CHMP7: variants seen among roughly 807,000 people sequenced by gnomAD.
The protein encoded by CHMP7 is CHMP family, member 7.
In CHMP7, 15 loss-of-function variants were observed where a neutral mutation model predicts 53.7. The observed-to-expected ratio is 0.28, with a 90% CI of 0.19 to 0.43. The LOEUF (loss-of-function observed/expected upper bound fraction) is 0.43. Among genes scored for constraint, CHMP7 ranks in the 20% least tolerant of loss-of-function variants. CHMP7 has a pLI of 1.00. For synonymous variants in CHMP7, 261 were observed against 228.0 expected, an observed-to-expected ratio of 1.14 and a Z score of -1.30; for missense variants, 527 against 569.4, an observed-to-expected ratio of 0.93 and a Z score of 0.76.
At position 23,243,667 on chromosome 8, in the gene CHMP7, C is replaced by G. The variant is rs561334530; in HGVS notation, c.-618C>G. ...CTCCTCTGACTGTTATGCAGCAGGC[C>G]GGCAGGTCAATAAACTTGCTTGCCT... On this transcript the variant is annotated 5_prime_UTR_variant, in exon 1 of 11. Coordinates refer to ENST00000397677, the MANE Select transcript of CHMP7 (RefSeq NM_152272.5). 2 of 152,464 alleles carry G rather than the reference C, an allele frequency of 1.3e-5. No homozygotes were observed. Among genetic ancestry groups the G allele is most frequent in the Non-Finnish European group, 2.9e-5 (2 of 68,238 alleles). The allele number at this position is 152,464 out of a possible 1,614,324, so 9.4% of individuals were successfully genotyped here.
Position 23,260,882 on chromosome 8 carries a change from T to G in CHMP7, c.*283T>G. The stretch of plus-strand genomic sequence containing the variant: ...CTGTCATTTCATAGCCTGCAGTTCT[T>G]GCCATTGGCACACTTAGATTTGTCT... On this transcript the variant is annotated 3_prime_UTR_variant, in exon 11 of 11. Transcript: ENST00000397677. The G allele has an allele frequency of 2.2e-6, 1 of 458,284 alleles. No individual in the cohort carries two copies. The highest frequency in any genetic ancestry group is 3.9e-6 in the Non-Finnish European group (1 of 257,134). The allele number at this position is 458,284 out of a possible 1,614,324, so 28.4% of individuals were successfully genotyped here. A position where few individuals can be genotyped will look rare whatever the true frequency, so the allele number is the denominator to read the frequency against.
rs759103726 is a variant in CHMP7, at chr8:23,258,110, GCA to G, written c.840+30_840+31del. On this transcript the variant is annotated intron_variant, in intron 6 of 10. Transcript: ENST00000397677. ...AGTTCTTGTCTCCTCCAGACCCATAGCAGTGCCCCAGGCAGGCCTGGAGCAAT... is the reference window on the plus strand; with the variant it reads ...AGTTCTTGTCTCCTCCAGACCCATAGGTGCCCCAGGCAGGCCTGGAGCAAT... The G allele has an allele frequency of 1.1e-5, 17 of 1,597,214 alleles. No homozygotes were observed. The African/African-American group carries it at 1.6e-4, about 15-fold the overall frequency.
At position 23,247,025 on chromosome 8, in the gene CHMP7, G is replaced by A. The variant is rs1263257759; in HGVS notation, c.299+31G>A. Reference sequence around the variant, plus strand: ...GGGCGGGCTGGGGCCAGGGCCGCGAGGGCGGGCGGGGGCAGCTCTCGGAGG... The same window carrying A: ...GGGCGGGCTGGGGCCAGGGCCGCGAAGGCGGGCGGGGGCAGCTCTCGGAGG... On this transcript the variant is annotated intron_variant, in intron 2 of 10. Transcript: ENST00000397677. 3 of 1,469,692 alleles carry A rather than the reference G, an allele frequency of 2.0e-6. No homozygotes were observed. The South Asian group carries it at 4.2e-5, about 20-fold the overall frequency. 91.0% of individuals were successfully genotyped at this position (1,469,692 alleles called of 1,614,324 possible). A position where few individuals can be genotyped will look rare whatever the true frequency, so the allele number is the denominator to read the frequency against.
chr8:23,258,234 G>A, intron 6 of CHMP7, 96 bp from the exon 7 acceptor site: 1 of 1,555,266 alleles, frequency 6.4e-7, no homozygotes, highest in Non-Finnish European at 8.8e-7. Context: ...TGGGAGGGAA[G>A]AAAGCTGGGA....
intron 3 of CHMP7, among the ~76,000 whole-genome samples, chr8:23,252,072 G>GA (rs11435557): frequency 0.77 from 114,798 of 149,576 alleles, 45,560 homozygotes; most frequent in South Asian, 0.93. Flanking sequence ...AACTTATTGG[G>GA]AAAAAAAAAA....
At chr8:23,248,247 G>T (rs1384318586) in intron 2 of CHMP7, 1 of 452,770 alleles carries the variant, frequency 2.2e-6, no homozygotes, top group Non-Finnish European at 4.5e-6. Context: ...ATTGGAAGTG[G>T]ATCATCTTCC....
rs771255718 is a variant in CHMP7, at chr8:23,256,585, A to G, written c.783A>G (p.Glu261=). 1 of 1,613,972 alleles carries G rather than the reference A, an allele frequency of 6.2e-7. No individual in the cohort carries two copies. Among genetic ancestry groups the G allele is most frequent in the East Asian group, 2.2e-5 (1 of 44,876 alleles). Residue 261 remains glutamate (E), a synonymous_variant, in exon 5 of 11, where the codon GAA becomes GAG. Transcript: ENST00000397677. ...LSRKVESLSQ[E]AERCKEEARR... ...GCAAAGTGGAGTCCTTATCCCAGGAAGCAGAGAGGTAACTTTTAACCCTGA... is the reference window on the plus strand; with the variant it reads ...GCAAAGTGGAGTCCTTATCCCAGGAGGCAGAGAGGTAACTTTTAACCCTGA...
chr8:23,255,350 C>T lies in CHMP7; in HGVS notation c.575C>T (p.Pro192Leu), dbSNP rs367547668. The change falls in exon 4 of 11, where the codon CCA becomes CTA. Residue 192 changes from proline to leucine, a missense_variant. By Grantham distance (98) the Pro-to-Leu change is moderately conservative. Transcript: ENST00000397677. ...ELSTLCANSC[P>L]DERTFYLVLL... ...AGCACCCTCTGTGCTAACTCCTGCC[C>T]AGATGAGAGGACCTTCTACTTGGTG... 50 of 1,614,054 alleles carry T rather than the reference C, an allele frequency of 3.1e-5. No homozygotes were observed. The highest frequency in any genetic ancestry group is 4.0e-5 in the Non-Finnish European group (47 of 1,180,040).
At chr8:23,253,570 A>G (rs1191173141) in intron 3 of CHMP7, among the ~76,000 whole-genome samples, 1 of 152,222 alleles carries the variant, frequency 6.6e-6, no homozygotes, top group Non-Finnish European at 1.5e-5. Flanking sequence ...TAGAGGCGTG[A>G]GGCACACCGT....
chr8:23,258,166 G>C (rs551239028), intron 6 of CHMP7, 85 bp downstream of exon 6: 32 of 1,436,478 alleles, frequency 2.2e-5, no homozygotes, highest in Non-Finnish European at 2.9e-5. Flanking sequence ...CAGCTTGCTG[G>C]GGTTTTGAGG....
At chr8:23,249,492 T>A in intron 3 of CHMP7, 111 bp downstream of exon 3, 1 of 800,812 alleles carries the variant, frequency 1.2e-6, no homozygotes, top group Non-Finnish European at 1.9e-6. Context: ...ACATGGCTAC[T>A]GAGTTGATAA....
chr8:23,243,936 A>G (rs1801604603), intron 1 of CHMP7, 92 bp downstream of exon 1: 1 of 152,040 alleles, frequency 6.6e-6, no homozygotes, highest in African/African-American at 2.4e-5. Context: ...TGCCGTTGGT[A>G]GATCTTCTTT....
chr8:23,253,198 C>T (rs539714095), intron 3 of CHMP7, among the ~76,000 whole-genome samples: 3 of 152,286 alleles, frequency 2.0e-5, no homozygotes, highest in African/African-American at 4.8e-5. Flanking sequence ...AACATTGTAT[C>T]GCTGTCCTGC....
Position 23,246,543 on chromosome 8 carries a change from CT to C in CHMP7, c.-151del. ...ACGGAGCGCAGCGCAACGCATGCGC[CT>C]TGAAGACTTATGGAACTTATTTCAC... On this transcript the variant is annotated 5_prime_UTR_variant, in exon 2 of 11. It removes the in-frame stop codon of an upstream open reading frame in the 5' UTR. Coordinates refer to ENST00000397677, the MANE Select transcript of CHMP7 (RefSeq NM_152272.5). The C allele has an allele frequency of 1.5e-6, 1 of 653,036 alleles. No individual in the cohort carries two copies. Among genetic ancestry groups the C allele is most frequent in the East Asian group, 2.7e-5 (1 of 36,422 alleles). The allele number at this position is 653,036 out of a possible 1,614,324, so 40.5% of individuals were successfully genotyped here.
chr8:23,249,240 C>T lies in CHMP7; in HGVS notation c.330C>T (p.Phe110=). ...GGGAGCTGCAGCGGGAGTCAGACTT[C>T]ATGGCCAGTGTAGACAGCAGCTGGA... ...RRGELQRESD[F]MASVDSSWIS... is the part of the protein sequence containing the mutation. The change falls in exon 3 of 11, where the codon TTC becomes TTT. Residue 110 remains phenylalanine, a synonymous_variant. Coordinates refer to ENST00000397677, the MANE Select transcript of CHMP7 (RefSeq NM_152272.5). 1 of 1,603,196 alleles carries T rather than the reference C, an allele frequency of 6.2e-7. No individual in the cohort carries two copies. The highest frequency in any genetic ancestry group is 1.1e-5 in the South Asian group (1 of 89,692).
At chr8:23,249,563 C>G (rs1300289980) in intron 3 of CHMP7, among the ~76,000 whole-genome samples, 182 bp downstream of exon 3, 6 of 152,192 alleles carry the variant, frequency 3.9e-5, no homozygotes, top group Non-Finnish European at 8.8e-5. Context: ...GGGACTTGTA[C>G]ATTTCAAGGG....
Position 23,261,016 on chromosome 8 carries a change from C to T in CHMP7, c.*417C>T, listed in dbSNP as rs573175105. On this transcript the variant is annotated 3_prime_UTR_variant, in exon 11 of 11. Coordinates refer to ENST00000397677, the MANE Select transcript of CHMP7 (RefSeq NM_152272.5). ...GGTTTTTTAGAGGGGTTTATCCTGT[C>T]GCTAATGTCAGTTAAATAGCTTATT... is the stretch of plus-strand genomic sequence containing the variant. 6.5e-5 allele frequency: 13 copies of T among 199,526 alleles called. No homozygotes were observed. In the East Asian group the frequency reaches 7.5e-4, roughly 12 times the overall value. 12.4% of individuals were successfully genotyped at this position (199,526 alleles called of 1,614,324 possible).
At chr8:23,259,283 C>T (rs1187062082) in intron 9 of CHMP7, among the ~76,000 whole-genome samples, 157 bp downstream of exon 9, 2 of 148,568 alleles carry the variant, frequency 1.3e-5, no homozygotes, top group Non-Finnish European at 3.0e-5. Context: ...ATTCTCCTGC[C>T]TCAGCCTCCC....
rs1277108911 is a variant in CHMP7, at chr8:23,260,984, C to CA, written c.*385_*386insA. The CA allele has an allele frequency of 3.9e-6, 1 of 259,142 alleles. No individual in the cohort carries two copies. The highest frequency in any genetic ancestry group is 8.4e-5 in the East Asian group (1 of 11,910). 16.1% of individuals were successfully genotyped at this position (259,142 alleles called of 1,614,324 possible). ...CCAAATCTGAATCAGTTCCCACTCCCCCCTGCGGTTTTTTAGAGGGGTTTA... is the reference window on the plus strand; with the variant it reads ...CCAAATCTGAATCAGTTCCCACTCCCACCCTGCGGTTTTTTAGAGGGGTTTA... On this transcript the variant is annotated 3_prime_UTR_variant, in exon 11 of 11. Coordinates refer to ENST00000397677, the MANE Select transcript of CHMP7 (RefSeq NM_152272.5).
Sources: allele counts gnomAD v4.1 joint callset (sites outside exome capture counted in the v4.1 genomes callset), GRCh38; gene constraint gnomAD v4.1.1; transcripts MANE v1.5; gene names NCBI Gene and HGNC (gene_info 2026-07-23, HGNC 2026-07-21).